The following CCDC102B variants were observed in gnomAD, a reference collection of about 807,000 sequenced individuals.
CCDC102B encodes coiled-coil domain-containing protein 102B.
CCDC102B carries 75 observed loss-of-function variants against 57.4 expected under a neutral mutation model. The observed-to-expected ratio is 1.31, with a 90% CI of 1.08 to 1.58. CCDC102B has a LOEUF of 1.58. Ranked by LOEUF, CCDC102B falls within the 40% of genes most tolerant of loss-of-function variation. The probability of loss-of-function intolerance (pLI) is 0.00; values close to 1 mark genes in which losing one functional copy is unlikely to be tolerated. For missense variants in CCDC102B, 636 were observed against 582.6 expected, an observed-to-expected ratio of 1.09 and a Z score of -0.94; for synonymous variants, 206 against 201.9, an observed-to-expected ratio of 1.02 and a Z score of -0.17.
intron 6 of CCDC102B, among the ~76,000 whole-genome samples, chr18:68,931,983 T>C (rs554643983): frequency 1.3e-4 from 20 of 149,120 alleles, no homozygotes; most frequent in African/African-American, 4.8e-4. Flanking sequence ...ACTGTATTAT[T>C]CTATAAATTT....
At chr18:68,791,779 G>T (rs2035471175) in intron 2 of CCDC102B, among the ~76,000 whole-genome samples, 2 of 151,952 alleles carry the variant, frequency 1.3e-5, no homozygotes, top group African/African-American at 2.4e-5. Flanking sequence ...ATAACAATGA[G>T]ACTTGGAATA....
intron 3 of CCDC102B, among the ~76,000 whole-genome samples, chr18:68,844,486 A>G (rs939205668): frequency 1.3e-5 from 2 of 151,874 alleles, no homozygotes; most frequent in African/African-American, 4.8e-5. Flanking sequence ...AAAAAATTAA[A>G]ATTATAAATA....
Position 68,897,403 on chromosome 18 carries a change from A to G in CCDC102B, c.1238A>G (p.Gln413Arg). Residue 413 changes from glutamine (Q) to arginine (R), a missense_variant, in exon 6 of 8, where the codon CAA (glutamine) becomes CGA (arginine). Gln to Arg is a conservative substitution (Grantham distance 43). Coordinates refer to ENST00000360242, the MANE Select transcript of CCDC102B (RefSeq NM_024781.3). ...CAAAGTCCTGATTTCAAGATGTCAC[A>G]AATTGATCTGCAAGAAAAAAACCAG... ...NSQSPDFKMS[Q>R]IDLQEKNQEL... is the part of the protein sequence containing the mutation. The G allele has an allele frequency of 6.2e-7, 1 of 1,611,272 alleles. No homozygotes were observed. Among genetic ancestry groups the G allele is most frequent in the Non-Finnish European group, 8.5e-7 (1 of 1,178,666 alleles).
intron 5 of CCDC102B, among the ~76,000 whole-genome samples, chr18:68,890,528 A>T (rs55916579): frequency 0.012 from 1,822 of 152,284 alleles, 17 homozygotes; most frequent in Middle Eastern, 0.027. Flanking sequence ...CCCTGCCTTG[A>T]GTGATAATGG....
At chr18:69,010,194 G>A (rs1368468959) in intron 6 of CCDC102B, among the ~76,000 whole-genome samples, 33 of 146,968 alleles carry the variant, frequency 2.2e-4, no homozygotes, top group African/African-American at 8.2e-4. Flanking sequence ...CGCCTGCCTC[G>A]GCCTCCCAAA....
At chr18:68,765,259 A>T in intron 2 of CCDC102B, among the ~76,000 whole-genome samples, 1 of 148,544 alleles carries the variant, frequency 6.7e-6, no homozygotes, top group South Asian at 2.1e-4. Flanking sequence ...CTAAAGAAGG[A>T]GGAAGGAGAG....
chr18:68,862,394 G>T (rs987642696), intron 4 of CCDC102B, among the ~76,000 whole-genome samples: 1 of 152,130 alleles, frequency 6.6e-6, no homozygotes, highest in Non-Finnish European at 1.5e-5. Flanking sequence ...AATTGAGTTA[G>T]GTATTACAAA....
intron 2 of CCDC102B, among the ~76,000 whole-genome samples, chr18:68,727,020 A>G (rs2032626750): frequency 6.6e-6 from 1 of 152,180 alleles, no homozygotes; most frequent in South Asian, 2.1e-4. Flanking sequence ...CTAATGCCAA[A>G]TAGACCTATT....
chr18:68,785,850 A>T (rs1334444379), intron 2 of CCDC102B, among the ~76,000 whole-genome samples: 1 of 150,944 alleles, frequency 6.6e-6, no homozygotes, highest in Non-Finnish European at 1.5e-5. Flanking sequence ...CCATTTGTCA[A>T]TTTTGGCTTT....
At chr18:68,820,929 C>T (rs1225990189) in intron 1 of CCDC102B, among the ~76,000 whole-genome samples, 2 of 152,144 alleles carry the variant, frequency 1.3e-5, no homozygotes, top group African/African-American at 2.4e-5. Context: ...AGCAGGGACA[C>T]CTAACCTATG....
At chr18:69,035,502 A>C (rs1222834781) in intron 7 of CCDC102B, among the ~76,000 whole-genome samples, 1 of 152,116 alleles carries the variant, frequency 6.6e-6, no homozygotes. Flanking sequence ...TAGTTTCCAT[A>C]TAGGCAGTAA....
chr18:68,825,319 A>C (rs868090092), intron 1 of CCDC102B, among the ~76,000 whole-genome samples: 37 of 152,328 alleles, frequency 2.4e-4, no homozygotes, highest in Middle Eastern at 3.4e-3. Context: ...GCATTCAAAA[A>C]ATGGGAAAGA....
intron 2 of CCDC102B, among the ~76,000 whole-genome samples, chr18:68,779,536 C>T (rs1176687125): frequency 7.3e-6 from 1 of 137,812 alleles, no homozygotes; most frequent in Admixed American, 7.6e-5. Flanking sequence ...ATGTACATCA[C>T]ATGTTAGCAC....
chr18:69,053,854 A>G (rs1369951599), intron 7 of CCDC102B, among the ~76,000 whole-genome samples, 176 bp from the exon 8 acceptor site: 5 of 151,936 alleles, frequency 3.3e-5, no homozygotes, highest in Non-Finnish European at 5.9e-5. Flanking sequence ...AGACTAGCTA[A>G]TCAAGCTACT....
At chr18:68,939,492 T>C (rs1237465992) in intron 6 of CCDC102B, among the ~76,000 whole-genome samples, 1 of 151,754 alleles carries the variant, frequency 6.6e-6, no homozygotes, top group East Asian at 1.9e-4. Context: ...TTTGTAAAAG[T>C]CAAGTGTTAT....
intron 6 of CCDC102B, among the ~76,000 whole-genome samples, chr18:68,956,815 C>T (rs2145215946): frequency 6.6e-6 from 1 of 150,570 alleles, no homozygotes; most frequent in East Asian, 2.0e-4. Context: ...GGATAAAAGC[C>T]ATTTTAACTG....
intron 1 of CCDC102B, among the ~76,000 whole-genome samples, chr18:68,800,112 T>A (rs1462251425): frequency 5.3e-5 from 8 of 152,172 alleles, no homozygotes; most frequent in African/African-American, 1.9e-4. Context: ...AACATTATTT[T>A]ACACATTATT....
chr18:68,791,506 A>T (rs1167549586), intron 2 of CCDC102B, among the ~76,000 whole-genome samples: 2 of 136,212 alleles, frequency 1.5e-5, no homozygotes, highest in East Asian at 4.5e-4. Context: ...CTTCCTGCAA[A>T]CAAAAATGGG....
intron 4 of CCDC102B, among the ~76,000 whole-genome samples, chr18:68,851,080 C>T (rs555309067): frequency 1.4e-4 from 21 of 152,062 alleles, no homozygotes; most frequent in South Asian, 2.1e-4. Context: ...TTCACCTCTC[C>T]GTACTCAATG....
Sources: gnomAD v4.1 joint callset for allele counts (sites outside exome capture counted in the v4.1 genomes callset) on GRCh38, gnomAD v4.1.1 for gene constraint, MANE v1.5 for transcripts, NCBI Gene and HGNC (gene_info 2026-07-23, HGNC 2026-07-21) for gene names.